Variants in RXRG observed in about 807,000 individuals in gnomAD.
RXRG encodes the protein retinoid X receptor gamma.
RXRG carries 19 observed loss-of-function variants against 49.2 expected under a neutral mutation model. The ratio of observed to expected loss-of-function variants is 0.39; its 90% CI spans 0.27 to 0.57. The LOEUF (loss-of-function observed/expected upper bound fraction) is 0.57, where lower values mean the gene tolerates loss of function less well. Ranked by LOEUF, RXRG falls within the 20% of genes least tolerant of loss-of-function variation. The probability of loss-of-function intolerance (pLI) is 0.64; values close to 1 mark genes in which losing one functional copy is unlikely to be tolerated. For missense variants in RXRG, 452 were observed against 592.5 expected (o/e 0.76, Z 2.46); for synonymous variants, 224 against 216.6 (o/e 1.03, Z -0.30).
At chr1:165,441,406 G>A (rs1557929185) in intron 1 of RXRG, among the ~76,000 whole-genome samples, 1 of 152,216 alleles carries the variant, frequency 6.6e-6, no homozygotes, top group East Asian at 1.9e-4. Context: ...CAGAAGCTGT[G>A]AGAGGCAGCT....
chr1:165,434,572 A>C (rs1658772294), intron 1 of RXRG, among the ~76,000 whole-genome samples: 1 of 152,212 alleles, frequency 6.6e-6, no homozygotes, highest in South Asian at 2.1e-4. Context: ...ACTTGTAATG[A>C]ATCATTGATA....
Position 165,419,957 on chromosome 1 carries a change from G to C in RXRG, c.355C>G (p.Pro119Ala). Residue 119 changes from proline to alanine, a missense_variant, in exon 3 of 10, where the codon CCC (proline) becomes GCC (alanine). Coordinates refer to ENST00000359842, the MANE Select transcript of RXRG (RefSeq NM_006917.5). The part of the protein sequence containing the change: ...SEDIKPLPGL[P>A]GIGNMNYPST... ...GGGTAGTTCATGTTTCCAATCCCGG[G>C]AAGCCCTGGTAAGGGCTTGATGTCC... The C allele has an allele frequency of 6.2e-7, 1 of 1,613,370 alleles. No individual in the cohort carries two copies. Among genetic ancestry groups the C allele is most frequent in the Non-Finnish European group, 8.5e-7 (1 of 1,179,566 alleles).
intron 1 of RXRG, among the ~76,000 whole-genome samples, chr1:165,434,643 C>A (rs1384332715): frequency 1.3e-5 from 2 of 152,182 alleles, no homozygotes; most frequent in Admixed American, 6.5e-5. Flanking sequence ...TTTTCAGAGT[C>A]AGGAGTCTCC....
chr1:165,401,151 T>G lies in RXRG; in HGVS notation c.*112A>C. ...GGTTTTCTTTATTATAAGCATCACA[T>G]TTTGGGGACAGGAAGGGGGTCAGGG... On this transcript the variant is annotated 3_prime_UTR_variant, in exon 10 of 10. Transcript: ENST00000359842. 1.5e-5 allele frequency: 14 copies of G among 943,702 alleles called. No homozygotes were observed. Among genetic ancestry groups the G allele is most frequent in the Non-Finnish European group, 2.1e-5 (13 of 618,328 alleles). The allele number at this position is 943,702 out of a possible 1,614,324, so 58.5% of individuals were successfully genotyped here. A position where few individuals can be genotyped will look rare whatever the true frequency, so the allele number is the denominator to read the frequency against.
intron 2 of RXRG, chr1:165,424,804 C>T: frequency 1.0e-6 from 1 of 985,530 alleles, no homozygotes; most frequent in South Asian, 4.7e-5. Context: ...CCTCTCAGAC[C>T]AGTCCTGGGT....
At chr1:165,414,608 G>T (rs921087092) in intron 4 of RXRG, among the ~76,000 whole-genome samples, 2 of 152,160 alleles carry the variant, frequency 1.3e-5, no homozygotes, top group African/African-American at 2.4e-5. Flanking sequence ...TGTTTTAGGA[G>T]GGAAAAAAAT....
Position 165,401,374 on chromosome 1 carries a change from A to G in RXRG, c.1281T>C (p.Arg427=). 1 of 1,614,212 alleles carries G rather than the reference A, an allele frequency of 6.2e-7. No individual in the cohort carries two copies. Among genetic ancestry groups the G allele is most frequent in the South Asian group, 1.1e-5 (1 of 91,080 alleles). Residue 427 remains arginine, a synonymous_variant, in exon 10 of 10, where the codon CGT becomes CGC. Coordinates refer to ENST00000359842, the MANE Select transcript of RXRG (RefSeq NM_006917.5). ...GCTCCAGGCATTTCAAGCCAATGGA[A>G]CGCAGAGCTGGGAGGCGCAGCAGCA... is the stretch of plus-strand genomic sequence containing the variant. ...AKLLLRLPAL[R]SIGLKCLEHL...
chr1:165,423,662 A>G (rs1658393943), intron 2 of RXRG, among the ~76,000 whole-genome samples: 1 of 148,922 alleles, frequency 6.7e-6, no homozygotes, highest in African/African-American at 2.5e-5. Context: ...TCACTTAGCA[A>G]AGACTCTATT....
At chr1:165,414,916 C>T (rs1658079485) in intron 4 of RXRG, among the ~76,000 whole-genome samples, 1 of 152,190 alleles carries the variant, frequency 6.6e-6, no homozygotes, top group African/African-American at 2.4e-5. Context: ...TTTCAGCATT[C>T]AGTTTAAACT....
intron 1 of RXRG, among the ~76,000 whole-genome samples, chr1:165,435,481 C>T (rs759513571): frequency 6.6e-6 from 1 of 152,164 alleles, no homozygotes; most frequent in African/African-American, 2.4e-5. Context: ...AGTCTTGTGC[C>T]GGGGCCGCTG....
At chr1:165,431,613 G>A (rs1003824073) in intron 1 of RXRG, among the ~76,000 whole-genome samples, 4 of 152,146 alleles carry the variant, frequency 2.6e-5, no homozygotes, top group Admixed American at 1.3e-4. Flanking sequence ...AGACCACCCT[G>A]CAACTTTCCT....
intron 3 of RXRG, 99 bp from the exon 4 acceptor site, chr1:165,417,319 T>C: frequency 1.7e-6 from 2 of 1,170,206 alleles, no homozygotes; most frequent in Non-Finnish European, 2.4e-6. Context: ...GAAACAGGCA[T>C]ATCACTTGGG....
intron 2 of RXRG, among the ~76,000 whole-genome samples, chr1:165,423,339 T>A (rs979727205): frequency 6.6e-6 from 1 of 152,208 alleles, no homozygotes; most frequent in Admixed American, 6.5e-5. Context: ...GCAAGCCAGC[T>A]GCTCCCTGAG....
chr1:165,411,116 T>C lies in RXRG; in HGVS notation c.623-7A>G, dbSNP rs1347504792. The C allele has an allele frequency of 6.2e-7, 1 of 1,613,470 alleles. No homozygotes were observed. The highest frequency in any genetic ancestry group is 1.3e-5 in the African/African-American group (1 of 75,008). On this transcript the variant is annotated splice_region_variant and splice_polypyrimidine_tract_variant and intron_variant, in intron 4 of 9. Coordinates refer to ENST00000359842, the MANE Select transcript of RXRG (RefSeq NM_006917.5). ...TGTCTTTCTTCTTGCACAGCTGACA[T>C]GCAGCAGGACATGCAGAGGTTACCA...
intron 9 of RXRG, among the ~76,000 whole-genome samples, chr1:165,402,023 C>T (rs1212078726): frequency 6.6e-6 from 1 of 152,210 alleles, no homozygotes; most frequent in African/African-American, 2.4e-5. Context: ...GGCGGGACTA[C>T]AGGCACATGC....
chr1:165,406,556 A>C (rs1163088484), intron 9 of RXRG, among the ~76,000 whole-genome samples: 1 of 152,206 alleles, frequency 6.6e-6, no homozygotes, highest in East Asian at 1.9e-4. Context: ...TTTGTTTGCT[A>C]TTCATCCTCC....
At chr1:165,438,174 A>G (rs1237115200) in intron 1 of RXRG, among the ~76,000 whole-genome samples, 3 of 152,174 alleles carry the variant, frequency 2.0e-5, no homozygotes, top group African/African-American at 4.8e-5. Context: ...CCTCAGAAAA[A>G]AAGTGAAAAT....
intron 8 of RXRG, 101 bp downstream of exon 8, chr1:165,408,126 G>T: frequency 1.1e-6 from 1 of 882,630 alleles, no homozygotes; most frequent in Non-Finnish European, 1.9e-6. Flanking sequence ...TCTGCCATCT[G>T]TGTCTCAGCT....
Position 165,407,767 on chromosome 1 carries a change from C to T in RXRG, c.1138+460G>A, listed in dbSNP as rs566853418. Among the ~76,000 whole-genome samples, 14 of 152,232 alleles carry T rather than the reference C, an allele frequency of 9.2e-5. No homozygotes were observed. In the South Asian group the frequency reaches 1.5e-3, roughly 16 times the overall value. Reference sequence around the variant, plus strand: ...GACAAGATCCCGATTCCTACCCACCCGCTGTCAGAACTTGCTCCTCATGGA... The same window carrying T: ...GACAAGATCCCGATTCCTACCCACCTGCTGTCAGAACTTGCTCCTCATGGA... On this transcript the variant is annotated intron_variant, in intron 8 of 9. Coordinates refer to ENST00000359842, the MANE Select transcript of RXRG (RefSeq NM_006917.5).
Sources: gnomAD v4.1 joint callset for allele counts (sites outside exome capture counted in the v4.1 genomes callset) on GRCh38, gnomAD v4.1.1 for gene constraint, MANE v1.5 for transcripts, NCBI Gene and HGNC (gene_info 2026-07-23, HGNC 2026-07-21) for gene names.